DPYSL5: variants seen among roughly 807,000 people sequenced by gnomAD.
DPYSL5 encodes dihydropyrimidinase like 5.
DPYSL5 carries 9 observed loss-of-function variants against 58.4 expected under a neutral mutation model. That is an observed-to-expected ratio of 0.15 (90% CI 0.09 to 0.27). The LOEUF (loss-of-function observed/expected upper bound fraction) is 0.27, where lower values mean the gene tolerates loss of function less well. DPYSL5 is among the 10% of genes least tolerant of loss of function. The pLI is 1.00. For synonymous variants in DPYSL5, 293 were observed against 301.9 expected (o/e 0.97, Z 0.31); for missense variants, 499 against 770.6 (o/e 0.65, Z 4.17).
intron 1 of DPYSL5, among the ~76,000 whole-genome samples, chr2:26,878,257 A>T (rs1663463042): frequency 6.6e-6 from 1 of 152,224 alleles, no homozygotes; most frequent in Admixed American, 6.5e-5. Context: ...AAAGGTGAAC[A>T]TCTTTTCATT....
chr2:26,943,155 T>G (rs1449874896), intron 11 of DPYSL5, among the ~76,000 whole-genome samples: 1 of 152,030 alleles, frequency 6.6e-6, no homozygotes, highest in African/African-American at 2.4e-5. Context: ...AGAGCTGGCA[T>G]TTGCAAAGCA....
At chr2:26,852,814 G>A (rs1443065444) in intron 1 of DPYSL5, among the ~76,000 whole-genome samples, 1 of 152,114 alleles carries the variant, frequency 6.6e-6, no homozygotes, top group Non-Finnish European at 1.5e-5. Context: ...TCTACATCTG[G>A]GGTTGTTCTG....
At chr2:26,875,334 C>CA (rs1163817907) in intron 1 of DPYSL5, among the ~76,000 whole-genome samples, 1 of 152,190 alleles carries the variant, frequency 6.6e-6, no homozygotes, top group Non-Finnish European at 1.5e-5. Context: ...TGAAAACAGG[C>CA]AGGAGAGCAC....
At chr2:26,943,364 T>C (rs557250146) in intron 11 of DPYSL5, among the ~76,000 whole-genome samples, 1 of 152,298 alleles carries the variant, frequency 6.6e-6, no homozygotes, top group South Asian at 2.1e-4. Context: ...AGCGTGACTT[T>C]CGTGATCGCA....
At chr2:26,858,373 G>A (rs1191944434) in intron 1 of DPYSL5, among the ~76,000 whole-genome samples, 1 of 151,740 alleles carries the variant, frequency 6.6e-6, no homozygotes, top group Non-Finnish European at 1.5e-5. Context: ...GAGTTTCACC[G>A]TGTTAGCCAG....
At chr2:26,875,280 G>A (rs899884433) in intron 1 of DPYSL5, among the ~76,000 whole-genome samples, 4 of 152,152 alleles carry the variant, frequency 2.6e-5, no homozygotes, top group African/African-American at 9.7e-5. Flanking sequence ...TACCCATGAC[G>A]GCAGAGACAG....
At chr2:26,873,105 CTATAT>C (rs1259794677) in intron 1 of DPYSL5, among the ~76,000 whole-genome samples, 2 of 152,136 alleles carry the variant, frequency 1.3e-5, no homozygotes, top group African/African-American at 2.4e-5. Flanking sequence ...GCAATTCCTA[CTATAT>C]TATATGTTTT....
In DPYSL5 at chr2:26,944,550, A is replaced by G; in HGVS notation, c.1441-106A>G. The G allele has an allele frequency of 7.7e-7, 1 of 1,298,772 alleles. No individual in the cohort carries two copies. Among genetic ancestry groups the G allele is most frequent in the Non-Finnish European group, 1.1e-6 (1 of 934,966 alleles). 80.5% of individuals were successfully genotyped at this position (1,298,772 alleles called of 1,614,324 possible). ...TTGCAGTGATTTGGGTCTTGGGCAGAGTGGCAGTGTCTAATGTCCCACCGG... is the reference window on the plus strand; with the variant it reads ...TTGCAGTGATTTGGGTCTTGGGCAGGGTGGCAGTGTCTAATGTCCCACCGG... On this transcript the variant is annotated intron_variant, in intron 11 of 12. Coordinates refer to ENST00000288699, the MANE Select transcript of DPYSL5 (RefSeq NM_020134.4). This position sits in a 1 kb window ranked among gnomAD's most constrained non-coding sequence, Gnocchi z 4.4.
At chr2:26,854,627 C>T (rs1032423162) in intron 1 of DPYSL5, among the ~76,000 whole-genome samples, 1 of 152,118 alleles carries the variant, frequency 6.6e-6, no homozygotes, top group African/African-American at 2.4e-5. Context: ...TGCACCTTAC[C>T]TTGTTTAAAA....
chr2:26,867,659 T>G (rs987997699), intron 1 of DPYSL5, among the ~76,000 whole-genome samples: 10 of 151,764 alleles, frequency 6.6e-5, no homozygotes, highest in Middle Eastern at 6.8e-3. Flanking sequence ...GTTTCACCGT[T>G]TTAGCCGGGA....
Position 26,924,771 on chromosome 2 carries a change from A to T in DPYSL5, c.262-116A>T. ...AAACCTCGCTGCCCTTGGTCCTCACAGCCTCTTGTGAGGCAGGGCCTGTCT... is the reference window on the plus strand; with the variant it reads ...AAACCTCGCTGCCCTTGGTCCTCACTGCCTCTTGTGAGGCAGGGCCTGTCT... On this transcript the variant is annotated intron_variant, in intron 2 of 12. Coordinates refer to ENST00000288699, the MANE Select transcript of DPYSL5 (RefSeq NM_020134.4). The surrounding 1 kb of genome is among the most constrained non-coding windows in gnomAD (Gnocchi z 4.7). 7.2e-7 allele frequency: 1 copy of T among 1,387,232 alleles called. No individual in the cohort carries two copies. Among genetic ancestry groups the T allele is most frequent in the Non-Finnish European group, 9.6e-7 (1 of 1,042,810 alleles). The allele number at this position is 1,387,232 out of a possible 1,614,324, so 85.9% of individuals were successfully genotyped here.
chr2:26,862,772 G>A (rs1448713538), intron 1 of DPYSL5, among the ~76,000 whole-genome samples: 1 of 152,194 alleles, frequency 6.6e-6, no homozygotes, highest in Non-Finnish European at 1.5e-5. Context: ...TGGGGCAGCT[G>A]TATTGACTAA....
At chr2:26,879,699 C>T (rs1180501404) in intron 1 of DPYSL5, among the ~76,000 whole-genome samples, 1 of 152,204 alleles carries the variant, frequency 6.6e-6, no homozygotes, top group African/African-American at 2.4e-5. Flanking sequence ...CTCTCCTCCA[C>T]CTCATTACCT....
intron 12 of DPYSL5, among the ~76,000 whole-genome samples, chr2:26,945,504 C>A (rs1159798251): frequency 6.6e-6 from 1 of 150,440 alleles, no homozygotes; most frequent in Admixed American, 6.6e-5. Flanking sequence ...AGTTTCCCGC[C>A]CCCCCGTCCC....
intron 9 of DPYSL5, 148 bp from the exon 10 acceptor site, chr2:26,941,802 T>C: frequency 9.5e-7 from 1 of 1,054,416 alleles, no homozygotes; most frequent in Non-Finnish European, 1.4e-6. Context: ...GGCTGGCTCA[T>C]CTGAGATGGT....
intron 1 of DPYSL5, among the ~76,000 whole-genome samples, chr2:26,853,062 A>G (rs539925474): frequency 5.3e-5 from 8 of 151,972 alleles, no homozygotes; most frequent in African/African-American, 1.9e-4. Flanking sequence ...TAAAACTCCC[A>G]CCCTTGCAAA....
chr2:26,915,677 G>A (rs1278128644), intron 2 of DPYSL5, among the ~76,000 whole-genome samples: 1 of 152,082 alleles, frequency 6.6e-6, no homozygotes, highest in Non-Finnish European at 1.5e-5. Flanking sequence ...TTTTCCAAAT[G>A]GTTTTCCTAA....
At chr2:26,936,653 T>TA (rs1665186928) in intron 8 of DPYSL5, among the ~76,000 whole-genome samples, 1 of 152,124 alleles carries the variant, frequency 6.6e-6, no homozygotes, top group Non-Finnish European at 1.5e-5. Flanking sequence ...CTCTTACTCT[T>TA]AAAAAATGCT....
chr2:26,942,523 C>T lies in DPYSL5; in HGVS notation c.1233-20C>T, dbSNP rs1175505569. 3 of 1,609,130 alleles carry T rather than the reference C, an allele frequency of 1.9e-6. No homozygotes were observed. Among genetic ancestry groups the T allele is most frequent in the East Asian group, 2.2e-5 (1 of 44,746 alleles). ...GACCTGTCCTCAGCGCTTTCTCTCCCGCCATTGCCTCCCCACCAGGACCAT... is the reference window on the plus strand; with the variant it reads ...GACCTGTCCTCAGCGCTTTCTCTCCTGCCATTGCCTCCCCACCAGGACCAT... On this transcript the variant is annotated intron_variant, in intron 10 of 12. Transcript: ENST00000288699. This position sits in a 1 kb window ranked among gnomAD's most constrained non-coding sequence, Gnocchi z 5.9.
Sources: gnomAD v4.1 joint callset for allele counts (sites outside exome capture counted in the v4.1 genomes callset) on GRCh38, gnomAD v4.1.1 for gene constraint, Gnocchi (gnomAD v3.1) non-coding constraint, MANE v1.5 for transcripts, NCBI Gene and HGNC (gene_info 2026-07-23, HGNC 2026-07-21) for gene names.